The following GOLGB1 variants were observed in gnomAD, a reference collection of about 807,000 sequenced individuals.
The protein encoded by GOLGB1 is golgin subfamily B member 1.
Under a neutral mutation model 336.9 loss-of-function variants are expected in GOLGB1, and 174 were observed. That is an observed-to-expected ratio of 0.52 (90% CI 0.46 to 0.59). GOLGB1 has a LOEUF of 0.59. Ranked by LOEUF, GOLGB1 falls within the 20% of genes least tolerant of loss-of-function variation. The probability of loss-of-function intolerance (pLI) is 0.00; values close to 1 mark genes in which losing one functional copy is unlikely to be tolerated. For synonymous variants in GOLGB1, 1,208 were observed against 1,289.2 expected, an observed-to-expected ratio of 0.94 and a Z score of 1.35; for missense variants, 3,331 against 3,645.3, an observed-to-expected ratio of 0.91 and a Z score of 2.22.
At chr3:121,676,367 C>T (rs1940377779) in intron 17 of GOLGB1, among the ~76,000 whole-genome samples, 1 of 152,196 alleles carries the variant, frequency 6.6e-6, no homozygotes, top group Non-Finnish European at 1.5e-5. Flanking sequence ...AGCTTACGCA[C>T]ACACACACTA....
intron 17 of GOLGB1, among the ~76,000 whole-genome samples, chr3:121,669,658 A>T (rs1284158294): frequency 1.3e-5 from 2 of 152,192 alleles, no homozygotes; most frequent in East Asian, 3.8e-4. Flanking sequence ...ATCTAATTAC[A>T]TAGGCTATTC....
At chr3:121,678,419 C>G (rs1047831658) in intron 15 of GOLGB1, among the ~76,000 whole-genome samples, 1 of 152,138 alleles carries the variant, frequency 6.6e-6, no homozygotes, top group Non-Finnish European at 1.5e-5. Flanking sequence ...CCCTTGTAAG[C>G]TGGATAGAAA....
chr3:121,681,661 T>A (rs753615917), intron 15 of GOLGB1, 26 bp downstream of exon 15: 2 of 1,477,726 alleles, frequency 1.4e-6, no homozygotes, highest in South Asian at 1.2e-5. Flanking sequence ...TGAAAAGAGT[T>A]GAAAAGGAGG....
At chr3:121,736,894 A>C (rs989810911) in intron 1 of GOLGB1, among the ~76,000 whole-genome samples, 1 of 151,452 alleles carries the variant, frequency 6.6e-6, no homozygotes, top group Non-Finnish European at 1.5e-5. Context: ...CCAGAGTGAG[A>C]CCCTGCCTCT....
In GOLGB1 at chr3:121,690,851, G is replaced by A. The variant is rs1576332690; in HGVS notation, c.8513C>T (p.Ser2838Phe). ...CAGACTGGCCATAGCCTTGGAAAAG[G>A]ACTGCACTTGGTTATAAGAATCTTC... is the stretch of plus-strand genomic sequence containing the variant. Reference protein sequence around the residue: ...QLEDSYNQVQSFSKAMASLQN... With the variant: ...QLEDSYNQVQFFSKAMASLQN... The change falls in exon 14 of 22, where the codon TCC (serine) becomes TTC (phenylalanine). Residue 2838 changes from serine (S) to phenylalanine (F), a missense_variant. Transcript: ENST00000614479. 1 of 1,613,600 alleles carries A rather than the reference G, an allele frequency of 6.2e-7. No individual in the cohort carries two copies.
chr3:121,674,991 G>A (rs1183238179), intron 17 of GOLGB1, among the ~76,000 whole-genome samples: 2 of 151,184 alleles, frequency 1.3e-5, no homozygotes, highest in African/African-American at 4.9e-5. Context: ...GCCCGCCACC[G>A]CGCCCGGCTA....
At chr3:121,729,165 T>A in intron 4 of GOLGB1, 23 bp downstream of exon 4, 2 of 1,558,648 alleles carry the variant, frequency 1.3e-6, no homozygotes, top group Non-Finnish European at 1.7e-6. Flanking sequence ...TTAGGAAATA[T>A]ACACTACACC....
intron 8 of GOLGB1, among the ~76,000 whole-genome samples, chr3:121,717,819 G>A (rs1243752960): frequency 3.3e-5 from 5 of 152,206 alleles, no homozygotes; most frequent in African/African-American, 1.2e-4. Context: ...GGGACCAGAA[G>A]TATTTTAGTT....
intron 1 of GOLGB1, among the ~76,000 whole-genome samples, chr3:121,747,303 A>ATG (rs1454862307): frequency 7.0e-6 from 1 of 142,816 alleles, no homozygotes; most frequent in African/African-American, 2.6e-5. Flanking sequence ...ATGTGTATAT[A>ATG]TGTATATATG....
At position 121,697,096 on chromosome 3, in the gene GOLGB1, C is replaced by T. The variant is rs765382309; in HGVS notation, c.3427G>A (p.Val1143Ile). The T allele has an allele frequency of 6.0e-5, 97 of 1,613,908 alleles. No individual in the cohort carries two copies. The East Asian group carries it at 6.0e-4, about 10-fold the overall frequency. ...ACCACTGTTTCCTTTACAAGTGCTA[C>T]GGAGTCCCCATCACTTGCATCCGTG... Reference protein sequence around the residue: ...SNTDASDGDSVALVKETVVIS... With the variant: ...SNTDASDGDSIALVKETVVIS... Residue 1143 changes from valine (V) to isoleucine (I), a missense_variant, in exon 13 of 22, where the codon GTA (valine) becomes ATA (isoleucine). Val to Ile is a conservative substitution (Grantham distance 29, BLOSUM62 3). Transcript: ENST00000614479.
rs1442629804 is a variant in GOLGB1 at position 121,692,225 on chromosome 3, T to G, written c.7139A>C (p.Glu2380Ala). 4.4e-6 allele frequency: 7 copies of G among 1,597,812 alleles called. No homozygotes were observed. Among genetic ancestry groups the G allele is most frequent in the Non-Finnish European group, 6.0e-6 (7 of 1,175,268 alleles). Residue 2380 changes from glutamate to alanine, a missense_variant, in exon 14 of 22, where the codon GAA becomes GCA. Physicochemically the swap from Glu to Ala is moderately radical, Grantham distance 107 (BLOSUM62 -1). Transcript: ENST00000614479. ...CTTTTGCTCTTTCATATTTATTTCT[T>G]CATGCAGCCTACTGGTCAGTTCTCT... is the stretch of plus-strand genomic sequence containing the variant. ...ASRELTSRLH[E>A]EINMKEQKII...
chr3:121,672,784 TC>T (rs1423739856), intron 17 of GOLGB1, among the ~76,000 whole-genome samples: 1 of 152,244 alleles, frequency 6.6e-6, no homozygotes, highest in Non-Finnish European at 1.5e-5. Flanking sequence ...AAGTCTTTAA[TC>T]CATTTTGATT....
intron 10 of GOLGB1, 107 bp downstream of exon 10, chr3:121,714,754 A>T: frequency 2.6e-6 from 2 of 759,520 alleles, no homozygotes; most frequent in Middle Eastern, 2.7e-4. Flanking sequence ...GGCAGAAAAA[A>T]CAGAAGGTTT....
At chr3:121,668,838 T>C (rs978938264) in intron 18 of GOLGB1, among the ~76,000 whole-genome samples, 27 of 152,122 alleles carry the variant, frequency 1.8e-4, no homozygotes, top group African/African-American at 6.0e-4. Context: ...CCAACTTCAA[T>C]GCTGTACTCC....
chr3:121,669,263 G>T lies in GOLGB1; in HGVS notation c.9270C>A (p.Asp3090Glu). The T allele has an allele frequency of 6.2e-7, 1 of 1,613,916 alleles. No individual in the cohort carries two copies. The highest frequency in any genetic ancestry group is 8.5e-7 in the Non-Finnish European group (1 of 1,179,848). The change falls in exon 18 of 22, where the codon GAC becomes GAA. Residue 3090 changes from aspartate to glutamate, a missense_variant. Coordinates refer to ENST00000614479, the MANE Select transcript of GOLGB1 (RefSeq NM_001366282.2). ...CCAAGACTGCACAGTGATTTAAAAG[G>T]TCACCATAGTGCTGCTGGTTCTCAC... ...SLRENQQHYG[D>E]LLNHCAVLEK...
Position 121,676,978 on chromosome 3 carries a change from T to G in GOLGB1, c.9092A>C (p.Glu3031Ala), listed in dbSNP as rs1406312972. 1.2e-6 allele frequency: 2 copies of G among 1,613,790 alleles called. No individual in the cohort carries two copies. Among genetic ancestry groups the G allele is most frequent in the Non-Finnish European group, 8.5e-7 (1 of 1,179,694 alleles). ...SPDGSQNLVY[E>A]TELLRTQLND... ...GAGCTGGGTCCTGAGAAGTTCTGTC[T>G]CATAAACCAGATTTTGTGACCCATC... Residue 3031 changes from glutamate to alanine, a missense_variant, in exon 17 of 22, where the codon GAG becomes GCG. Glu to Ala is a moderately radical substitution (Grantham distance 107). Transcript: ENST00000614479.
intron 14 of GOLGB1, among the ~76,000 whole-genome samples, chr3:121,688,243 C>A (rs1196687250): frequency 2.0e-5 from 3 of 152,238 alleles, no homozygotes; most frequent in African/African-American, 7.2e-5. Context: ...CGAGCCAAAG[C>A]TGGACTGTAC....
At chr3:121,740,673 A>AC (rs1210711518) in intron 1 of GOLGB1, among the ~76,000 whole-genome samples, 5 of 152,192 alleles carry the variant, frequency 3.3e-5, no homozygotes, top group Non-Finnish European at 5.9e-5. Flanking sequence ...TAATTTGTTT[A>AC]TTTTTAAAAA....
chr3:121,695,250 C>G lies in GOLGB1; in HGVS notation c.5273G>C (p.Ser1758Thr). 6.2e-7 allele frequency: 1 copy of G among 1,613,674 alleles called. No homozygotes were observed. The highest frequency in any genetic ancestry group is 8.5e-7 in the Non-Finnish European group (1 of 1,179,828). ...QSLMSEKDSL[S>T]EEVQDLKHQI... ...ATGCTTTAAATCTTGAACCTCTTCACTTAGAGAGTCTTTCTCAGACATTAA... is the reference window on the plus strand; with the variant it reads ...ATGCTTTAAATCTTGAACCTCTTCAGTTAGAGAGTCTTTCTCAGACATTAA... Residue 1758 changes from serine to threonine, a missense_variant, in exon 13 of 22, where the codon AGT becomes ACT. Transcript: ENST00000614479.
Sources: allele counts gnomAD v4.1 joint callset (sites outside exome capture counted in the v4.1 genomes callset), GRCh38; gene constraint gnomAD v4.1.1; transcripts MANE v1.5; gene names NCBI Gene and HGNC (gene_info 2026-07-23, HGNC 2026-07-21).